MCTP1: variants seen among roughly 807,000 people sequenced by gnomAD.
MCTP1 encodes multiple C2 and transmembrane domain containing 1.
In MCTP1, 69 loss-of-function variants were observed where a neutral mutation model predicts 120.6. That is an observed-to-expected ratio of 0.57 (90% CI 0.47 to 0.70). The LOEUF (loss-of-function observed/expected upper bound fraction) is 0.70, where lower values mean the gene tolerates loss of function less well. Ranked by LOEUF, MCTP1 falls within the 30% of genes least tolerant of loss-of-function variation. The probability of loss-of-function intolerance (pLI) is 0.00; values close to 1 mark genes in which losing one functional copy is unlikely to be tolerated. For synonymous variants in MCTP1, 529 were observed against 493.1 expected, an observed-to-expected ratio of 1.07 and a Z score of -0.96; for missense variants, 1,203 against 1,248.8, an observed-to-expected ratio of 0.96 and a Z score of 0.55.
At position 94,703,958 on chromosome 5, in the gene MCTP1, CTG is replaced by C. The variant is rs1439568531; in HGVS notation, c.*3536_*3537del. Reference sequence around the variant, plus strand: ...TCAAATTGCCACTATATAAAAGAAACTGAGGTACCAGAGGGTAACATTTTCAC... The same window carrying C: ...TCAAATTGCCACTATATAAAAGAAACAGGTACCAGAGGGTAACATTTTCAC... On this transcript the variant is annotated 3_prime_UTR_variant, in exon 23 of 23. Transcript: ENST00000515393. 5 of 148,076 alleles carry C rather than the reference CTG, an allele frequency of 3.4e-5. No individual in the cohort carries two copies. The highest frequency in any genetic ancestry group is 6.0e-5 in the Non-Finnish European group (4 of 66,988). 9.2% of individuals were successfully genotyped at this position (148,076 alleles called of 1,614,324 possible).
At chr5:95,259,686 T>A (rs987549930) in intron 1 of MCTP1, among the ~76,000 whole-genome samples, 19 of 152,304 alleles carry the variant, frequency 1.2e-4, no homozygotes, top group Admixed American at 5.2e-4. Flanking sequence ...GGAGATGCAC[T>A]TAGAGGTGGC....
At chr5:94,763,119 G>A (rs575184822) in intron 19 of MCTP1, among the ~76,000 whole-genome samples, 12 of 152,206 alleles carry the variant, frequency 7.9e-5, no homozygotes, top group East Asian at 1.9e-4. Flanking sequence ...TTAAGTTAAA[G>A]ATGCCTTTAT....
At chr5:94,711,414 GTTAGAATTCC>G (rs1352860623) in intron 20 of MCTP1, among the ~76,000 whole-genome samples, 1 of 152,060 alleles carries the variant, frequency 6.6e-6, no homozygotes, top group African/African-American at 2.4e-5. Context: ...TCCTCTGAAT[GTTAGAATTCC>G]TTAAACTACT....
intron 1 of MCTP1, among the ~76,000 whole-genome samples, chr5:95,084,614 G>A (rs992322027): frequency 1.3e-5 from 2 of 150,884 alleles, no homozygotes; most frequent in Non-Finnish European, 2.9e-5. Context: ...TTATTCAACT[G>A]CAAATATATC....
chr5:95,126,661 C>T (rs1758655701), intron 1 of MCTP1, among the ~76,000 whole-genome samples: 1 of 152,114 alleles, frequency 6.6e-6, no homozygotes, highest in Non-Finnish European at 1.5e-5. Context: ...TGCACTTTGA[C>T]AAGCTGAAGC....
intron 9 of MCTP1, among the ~76,000 whole-genome samples, chr5:94,912,473 C>A (rs1808966803): frequency 8.7e-6 from 1 of 115,184 alleles, no homozygotes; most frequent in Non-Finnish European, 1.8e-5. Flanking sequence ...AAAAGCCGCA[C>A]TCTGAGTACT....
chr5:95,039,865 T>G (rs1471915063), intron 1 of MCTP1, among the ~76,000 whole-genome samples: 3 of 117,972 alleles, frequency 2.5e-5, no homozygotes, highest in African/African-American at 9.8e-5. Flanking sequence ...ATGAGTCTTC[T>G]CAGTACCGTT....
At chr5:94,850,321 T>C (rs1793408759) in intron 17 of MCTP1, among the ~76,000 whole-genome samples, 2 of 152,152 alleles carry the variant, frequency 1.3e-5, no homozygotes, top group African/African-American at 4.8e-5. Context: ...ATCGGTAGGC[T>C]ACAAAGATCA....
intron 1 of MCTP1, among the ~76,000 whole-genome samples, chr5:95,042,697 C>A (rs768477734): frequency 6.6e-6 from 1 of 152,174 alleles, no homozygotes; most frequent in Admixed American, 6.6e-5. Flanking sequence ...CAGGCACATA[C>A]CCTTTTACAG....
chr5:94,929,327 C>G (rs1239764878), intron 6 of MCTP1, among the ~76,000 whole-genome samples: 2 of 152,156 alleles, frequency 1.3e-5, no homozygotes, highest in East Asian at 3.8e-4. Context: ...AGGCTGCATG[C>G]CAAAGCCCTG....
chr5:94,845,643 CA>C, intron 17 of MCTP1, among the ~76,000 whole-genome samples: 1 of 152,154 alleles, frequency 6.6e-6, no homozygotes, highest in Non-Finnish European at 1.5e-5. Flanking sequence ...TTCCTGGGCT[CA>C]AACAATTCTC....
chr5:95,099,981 G>T (rs1319524698), intron 1 of MCTP1, among the ~76,000 whole-genome samples: 1 of 151,958 alleles, frequency 6.6e-6, no homozygotes, highest in Non-Finnish European at 1.5e-5. Flanking sequence ...TAGGGACATG[G>T]ATGAAATTGG....
intron 1 of MCTP1, among the ~76,000 whole-genome samples, chr5:95,099,515 T>C (rs1756546441): frequency 6.6e-6 from 1 of 151,774 alleles, no homozygotes; most frequent in East Asian, 1.9e-4. Context: ...AAAAAACACA[T>C]GAAAAAATGC....
chr5:94,789,554 T>C (rs1045020735), intron 18 of MCTP1: 13 of 152,190 alleles, frequency 8.5e-5, no homozygotes, highest in African/African-American at 3.1e-4. Flanking sequence ...ATGGAGTTAC[T>C]AAGTGAAAGC....
At chr5:95,029,345 T>C (rs1839871168) in intron 1 of MCTP1, among the ~76,000 whole-genome samples, 1 of 152,194 alleles carries the variant, frequency 6.6e-6, no homozygotes, top group South Asian at 2.1e-4. Context: ...GGAAAGATTT[T>C]GAGCTCTAGA....
At chr5:95,256,172 G>T (rs1222653182) in intron 1 of MCTP1, among the ~76,000 whole-genome samples, 5 of 152,102 alleles carry the variant, frequency 3.3e-5, no homozygotes, top group African/African-American at 1.2e-4. Context: ...AAGAAAAGAA[G>T]AATGAGAGCA....
chr5:94,827,933 T>A (rs1725728298), intron 17 of MCTP1, among the ~76,000 whole-genome samples: 1 of 151,820 alleles, frequency 6.6e-6, no homozygotes, highest in Admixed American at 6.6e-5. Context: ...TTCAGAGGAG[T>A]TTGTTATTAC....
chr5:94,929,686 A>G (rs988213043), intron 6 of MCTP1: 5 of 985,094 alleles, frequency 5.1e-6, no homozygotes, highest in South Asian at 9.4e-5. Flanking sequence ...AGCAGTTTCA[A>G]TGTAGCAGAG....
intron 12 of MCTP1, among the ~76,000 whole-genome samples, chr5:94,886,129 G>A (rs1365302833): frequency 6.6e-6 from 1 of 152,180 alleles, no homozygotes; most frequent in Non-Finnish European, 1.5e-5. Context: ...AGCTGAACAA[G>A]GCTATAGGCT....
Sources: allele counts gnomAD v4.1 joint callset (sites outside exome capture counted in the v4.1 genomes callset), GRCh38; gene constraint gnomAD v4.1.1; transcripts MANE v1.5; gene names NCBI Gene and HGNC (gene_info 2026-07-23, HGNC 2026-07-21).